PELI2: variants seen among roughly 807,000 people sequenced by gnomAD.
PELI2 encodes the protein pellino E3 ubiquitin protein ligase family member 2.
Under a neutral mutation model 42.3 loss-of-function variants are expected in PELI2, and 23 were observed. That is an observed-to-expected ratio of 0.54 (90% CI 0.39 to 0.77). The LOEUF (loss-of-function observed/expected upper bound fraction) is 0.77. Among genes scored for constraint, PELI2 ranks in the 30% least tolerant of loss-of-function variants. The pLI, the probability that PELI2 is intolerant of heterozygous loss-of-function variation, is 0.00. For synonymous variants in PELI2, 245 were observed against 212.2 expected (o/e 1.15, Z -1.34); for missense variants, 463 against 553.2 (o/e 0.84, Z 1.64).
intron 3 of PELI2, among the ~76,000 whole-genome samples, chr14:56,283,935 T>C (rs1252491648): frequency 6.6e-6 from 1 of 152,178 alleles, no homozygotes; most frequent in Non-Finnish European, 1.5e-5. Context: ...TTTTAACAAG[T>C]TTATATTTCC....
intron 2 of PELI2, among the ~76,000 whole-genome samples, chr14:56,210,802 G>T (rs1886686543): frequency 6.6e-6 from 1 of 152,230 alleles, no homozygotes; most frequent in Non-Finnish European, 1.5e-5. Context: ...CTGGGTCCCT[G>T]TGGTCGGTAA....
At chr14:56,278,767 C>T (rs1412726795) in intron 2 of PELI2, among the ~76,000 whole-genome samples, 1 of 152,080 alleles carries the variant, frequency 6.6e-6, no homozygotes, top group East Asian at 1.9e-4. Context: ...TCTTGGTCTT[C>T]ATACAGTGTC....
intron 2 of PELI2, among the ~76,000 whole-genome samples, chr14:56,221,141 C>G (rs1014507633): frequency 1.3e-5 from 2 of 152,174 alleles, no homozygotes; most frequent in Non-Finnish European, 2.9e-5. Context: ...CTGTAATACC[C>G]ACTTCTAAAA....
chr14:56,165,564 G>C, intron 1 of PELI2, among the ~76,000 whole-genome samples: 1 of 152,134 alleles, frequency 6.6e-6, no homozygotes, highest in Non-Finnish European at 1.5e-5. Context: ...TTCTGCAGCT[G>C]CTGGATGAAA....
At chr14:56,119,517 G>T (rs1366579873) in intron 1 of PELI2, among the ~76,000 whole-genome samples, 1 of 152,218 alleles carries the variant, frequency 6.6e-6, no homozygotes, top group African/African-American at 2.4e-5. Context: ...GCCCGCCTCG[G>T]CTCCCTCTCT....
chr14:56,139,260 A>C (rs1245078534), intron 1 of PELI2, among the ~76,000 whole-genome samples: 1 of 152,122 alleles, frequency 6.6e-6, no homozygotes, highest in Non-Finnish European at 1.5e-5. Flanking sequence ...AGGATGGGGG[A>C]GGAGAGAGAC....
At chr14:56,247,734 CCAGG>C (rs1367974242) in intron 2 of PELI2, among the ~76,000 whole-genome samples, 2 of 152,122 alleles carry the variant, frequency 1.3e-5, no homozygotes, top group African/African-American at 4.8e-5. Flanking sequence ...AATCATTCAC[CCAGG>C]TATAAATCTA....
At chr14:56,211,373 C>A (rs1490274856) in intron 2 of PELI2, among the ~76,000 whole-genome samples, 1 of 152,234 alleles carries the variant, frequency 6.6e-6, no homozygotes, top group Non-Finnish European at 1.5e-5. Context: ...TGGCCTGTCA[C>A]CTTCTGTGAA....
At chr14:56,230,174 CT>C (rs1425991648) in intron 2 of PELI2, among the ~76,000 whole-genome samples, 2 of 152,316 alleles carry the variant, frequency 1.3e-5, no homozygotes, top group African/African-American at 4.8e-5. Context: ...GGGAAACACT[CT>C]TCAGGGTATT....
chr14:56,145,999 T>A (rs1432790652), intron 1 of PELI2, among the ~76,000 whole-genome samples: 1 of 152,206 alleles, frequency 6.6e-6, no homozygotes, highest in Non-Finnish European at 1.5e-5. Context: ...ATAAAGTCAT[T>A]GAAATCCAAA....
In PELI2 at chr14:56,288,443, A is replaced by C. The variant is rs768409225; in HGVS notation, c.316A>C (p.Arg106=). The C allele has an allele frequency of 4.3e-6, 7 of 1,613,224 alleles. No homozygotes were observed. Among genetic ancestry groups the C allele is most frequent in the Non-Finnish European group, 5.9e-6 (7 of 1,179,308 alleles). ...DKDTDMFQVG[R]STESPIDFVV... is the part of the protein sequence containing the mutation. ...GTACATTTGATTTACTTAGGTGGGC[A>C]GATCAACAGAAAGCCCTATCGACTT... is the stretch of plus-strand genomic sequence containing the variant. Residue 106 remains arginine (R), a synonymous_variant, in exon 4 of 6, where the codon AGA becomes CGA. Transcript: ENST00000267460. This position sits in a 1 kb window ranked among gnomAD's most constrained non-coding sequence, Gnocchi z 4.6.
At chr14:56,144,265 T>C (rs905599088) in intron 1 of PELI2, among the ~76,000 whole-genome samples, 1 of 152,182 alleles carries the variant, frequency 6.6e-6, no homozygotes, top group Admixed American at 6.5e-5. Flanking sequence ...GCAAGAGATA[T>C]ATTAAAAAGA....
At chr14:56,294,126 A>T (rs544169982) in intron 5 of PELI2, among the ~76,000 whole-genome samples, 17 of 152,278 alleles carry the variant, frequency 1.1e-4, no homozygotes, top group African/African-American at 4.1e-4. Context: ...CAGTATTAAG[A>T]TTTATCATTT....
chr14:56,231,254 A>T (rs560659466), intron 2 of PELI2, among the ~76,000 whole-genome samples: 2 of 152,166 alleles, frequency 1.3e-5, no homozygotes, highest in African/African-American at 4.8e-5. Flanking sequence ...TGCACCAAGC[A>T]GACCTAATAG....
At chr14:56,230,975 A>G (rs1050976823) in intron 2 of PELI2, among the ~76,000 whole-genome samples, 26 of 152,236 alleles carry the variant, frequency 1.7e-4, no homozygotes, top group African/African-American at 6.3e-4. Flanking sequence ...CTGATAAAAC[A>G]GACTTTAAAC....
chr14:56,166,323 G>A (rs1388137121), intron 1 of PELI2, among the ~76,000 whole-genome samples: 1 of 152,068 alleles, frequency 6.6e-6, no homozygotes, highest in Non-Finnish European at 1.5e-5. Flanking sequence ...ATGTCTTATT[G>A]TACTGACTAT....
rs548460479 is a variant in PELI2 at position 56,199,959 on chromosome 14, C to T, written c.207+21495C>T. 7.9e-5 allele frequency among the ~76,000 whole-genome samples: 12 copies of T among 152,276 alleles called. No individual in the cohort carries two copies. In the East Asian group the frequency reaches 1.2e-3, roughly 15 times the overall value. ...AGAAATTACCTTACATGGATGGCAA[C>T]GCTAGGTGTATTCACCTGGTAGACA... On this transcript the variant is annotated intron_variant, in intron 2 of 5. Transcript: ENST00000267460.
At chr14:56,229,309 AC>A (rs1887474305) in intron 2 of PELI2, among the ~76,000 whole-genome samples, 1 of 152,182 alleles carries the variant, frequency 6.6e-6, no homozygotes, top group Non-Finnish European at 1.5e-5. Context: ...TGGGTCCCTG[AC>A]CCCTGAGTAG....
intron 2 of PELI2, among the ~76,000 whole-genome samples, chr14:56,209,137 T>TTA (rs1886623951): frequency 6.6e-6 from 1 of 152,244 alleles, no homozygotes; most frequent in Non-Finnish European, 1.5e-5. Context: ...ATGCATGATG[T>TTA]TACAGAGTAG....
Sources: allele counts gnomAD v4.1 joint callset (sites outside exome capture counted in the v4.1 genomes callset), GRCh38; gene constraint gnomAD v4.1.1; non-coding constraint Gnocchi (gnomAD v3.1); transcripts MANE v1.5; gene names NCBI Gene and HGNC (gene_info 2026-07-23, HGNC 2026-07-21).